The following TNIP3 variants were observed in gnomAD, a reference collection of about 807,000 sequenced individuals.
TNIP3 encodes the protein TNFAIP3 interacting protein 3, also known as TNFAIP3-interacting protein 3.
TNIP3 carries 34 observed loss-of-function variants against 54.1 expected under a neutral mutation model. The observed-to-expected ratio is 0.63, with a 90% CI of 0.48 to 0.84. The LOEUF is 0.84. Among genes scored for constraint, TNIP3 ranks in the 40% least tolerant of loss-of-function variants. The pLI is 0.00. For synonymous variants in TNIP3, 134 were observed against 136.8 expected (o/e 0.98, Z 0.14); for missense variants, 366 against 387.6 (o/e 0.94, Z 0.47).
At position 121,131,779 on chromosome 4, in the gene TNIP3, T is replaced by A. The variant is rs1441335892; in HGVS notation, c.*852A>T. Reference sequence around the variant, plus strand: ...CCTCCTGAGTAGCTGGGTTTATAGGTGTGTGCCACGAGCCTGGCTAATTTT... The same window carrying A: ...CCTCCTGAGTAGCTGGGTTTATAGGAGTGTGCCACGAGCCTGGCTAATTTT... On this transcript the variant is annotated 3_prime_UTR_variant, in exon 11 of 11. Coordinates refer to ENST00000057513, the MANE Select transcript of TNIP3 (RefSeq NM_024873.6). 6.6e-6 allele frequency: 1 copy of A among 151,774 alleles called. No homozygotes were observed. The highest frequency in any genetic ancestry group is 1.5e-5 in the Non-Finnish European group (1 of 68,020). 9.4% of individuals were successfully genotyped at this position (151,774 alleles called of 1,614,324 possible). A position where few individuals can be genotyped will look rare whatever the true frequency, so the allele number is the denominator to read the frequency against.
intron 3 of TNIP3, among the ~76,000 whole-genome samples, chr4:121,171,826 G>A (rs1353627403): frequency 6.6e-6 from 1 of 152,170 alleles, no homozygotes; most frequent in Non-Finnish European, 1.5e-5. Context: ...TGCCTCCTGG[G>A]TTCAAGCGAT....
At chr4:121,165,018 A>G (rs1730676798), upstream of TNIP3, among the ~76,000 whole-genome samples, 1 of 151,996 alleles carries the variant, frequency 6.6e-6, no homozygotes. Flanking sequence ...GCATAAGTGA[A>G]CTGCGATGGA....
rs3028475 is a variant in TNIP3 at position 121,181,624 on chromosome 4, G to GGTGTGTGT, written c.189+1044_189+1051dup. Among the ~76,000 whole-genome samples, 1,080 of 148,652 alleles carry GGTGTGTGT rather than the reference G, an allele frequency of 7.3e-3. 15 individuals are homozygous for GGTGTGTGT. The highest frequency in any genetic ancestry group is 0.014 in the South Asian group (62 of 4,578). The stretch of plus-strand genomic sequence containing the variant: ...GTGAAGAGGGTAAGTTAATAAGACA[G>GGTGTGTGT]GTGTGTGTGTGTGTGTGTGTGTGTG... On this transcript the variant is annotated intron_variant, in intron 3 of 12. Transcript: ENST00000507879.
chr4:121,211,463 G>C (rs1026398945), intron 2 of TNIP3, among the ~76,000 whole-genome samples: 1 of 152,122 alleles, frequency 6.6e-6, no homozygotes, highest in Non-Finnish European at 1.5e-5. Flanking sequence ...TTCAATTTAC[G>C]TGAAGGAATA....
In TNIP3 at chr4:121,179,124, G is replaced by A. The variant is rs185367098; in HGVS notation, c.189+3552C>T. Reference sequence around the variant, plus strand: ...CAAGGATTTCCAGAAAGAGTAAACAGCATGTGAAATGATAGCACAGGAAAC... The same window carrying A: ...CAAGGATTTCCAGAAAGAGTAAACAACATGTGAAATGATAGCACAGGAAAC... On this transcript the variant is annotated intron_variant, in intron 3 of 12. Transcript: ENST00000507879. Among the ~76,000 whole-genome samples, 384 of 152,292 alleles carry A rather than the reference G, an allele frequency of 2.5e-3. 4 individuals are homozygous for A. The highest frequency in any genetic ancestry group is 6.8e-4 in the Non-Finnish European group (46 of 68,018).
At chr4:121,144,407 T>C (rs1729309118) in intron 7 of TNIP3, among the ~76,000 whole-genome samples, 2 of 152,228 alleles carry the variant, frequency 1.3e-5, no homozygotes, top group Non-Finnish European at 1.5e-5. Context: ...TTTTGTTTTT[T>C]TCTTTTCTTT....
chr4:121,215,973 G>A (rs1726770238), intron 2 of TNIP3, among the ~76,000 whole-genome samples: 1 of 151,768 alleles, frequency 6.6e-6, no homozygotes, highest in Non-Finnish European at 1.5e-5. Context: ...AAGCGCCTAA[G>A]TAAGGGATTT....
chr4:121,205,198 T>C (rs535577278), intron 2 of TNIP3, among the ~76,000 whole-genome samples: 6 of 152,148 alleles, frequency 3.9e-5, no homozygotes, highest in Admixed American at 6.6e-5. Flanking sequence ...GTGGGACTTA[T>C]TGAAAGGTGA....
chr4:121,132,857 T>TA (rs1728557783), intron 10 of TNIP3, among the ~76,000 whole-genome samples, 195 bp from the exon 11 acceptor site: 1 of 152,114 alleles, frequency 6.6e-6, no homozygotes, highest in African/African-American at 2.4e-5. Flanking sequence ...AGCATTGACA[T>TA]ATGCTTACCA....
chr4:121,148,743 T>C (rs1729571410), intron 6 of TNIP3, among the ~76,000 whole-genome samples: 1 of 152,236 alleles, frequency 6.6e-6, no homozygotes, highest in Non-Finnish European at 1.5e-5. Flanking sequence ...CACAGGCTAC[T>C]TCATATGAAG....
intron 3 of TNIP3, among the ~76,000 whole-genome samples, chr4:121,181,178 T>G (rs921448674): frequency 1.3e-5 from 2 of 152,194 alleles, no homozygotes; most frequent in Non-Finnish European, 2.9e-5. Flanking sequence ...TGAACAGAAT[T>G]GCAAAGAAGG....
upstream of TNIP3, among the ~76,000 whole-genome samples, chr4:121,221,260 A>G (rs897004097): frequency 2.5e-4 from 38 of 152,146 alleles, no homozygotes; most frequent in African/African-American, 9.2e-4. Flanking sequence ...ATCACTCTTA[A>G]TATATAAAAT....
upstream of TNIP3, among the ~76,000 whole-genome samples, chr4:121,167,872 T>C: frequency 6.6e-6 from 1 of 152,152 alleles, no homozygotes; most frequent in Admixed American, 6.5e-5. Context: ...GAGACTCCTG[T>C]ATTAATTGCT....
In TNIP3 at chr4:121,158,590, A is replaced by G. The variant is rs1730252510; in HGVS notation, c.213+97T>C. 6.1e-6 allele frequency: 6 copies of G among 989,142 alleles called. No individual in the cohort carries two copies. In the South Asian group the frequency reaches 8.5e-5, roughly 14 times the overall value. 61.3% of individuals were successfully genotyped at this position (989,142 alleles called of 1,614,324 possible). The stretch of plus-strand genomic sequence containing the variant: ...ATTTTCCAACAGTTGGCTATCCACA[A>G]AGCTCTTTGTAGCTGAAATGAATGA... On this transcript the variant is annotated intron_variant, in intron 3 of 10. Coordinates refer to ENST00000057513, the MANE Select transcript of TNIP3 (RefSeq NM_024873.6).
At chr4:121,176,099 G>T (rs1237994318) in intron 3 of TNIP3, among the ~76,000 whole-genome samples, 2 of 152,176 alleles carry the variant, frequency 1.3e-5, no homozygotes, top group Admixed American at 6.5e-5. Flanking sequence ...ATACAACCTG[G>T]CCTATTTATC....
chr4:121,220,212 G>T (rs1186630764), upstream of TNIP3, among the ~76,000 whole-genome samples: 1 of 152,202 alleles, frequency 6.6e-6, no homozygotes, highest in Admixed American at 6.5e-5. Flanking sequence ...CAGGTAGGCA[G>T]TCAGTTAATC....
chr4:121,160,437 C>A (rs1199601520), intron 2 of TNIP3, among the ~76,000 whole-genome samples: 1 of 151,464 alleles, frequency 6.6e-6, no homozygotes, highest in Non-Finnish European at 1.5e-5. Flanking sequence ...TGAGATCGTG[C>A]CACTGCACTC....
At chr4:121,172,889 T>G (rs928385291) in intron 3 of TNIP3, among the ~76,000 whole-genome samples, 2 of 152,218 alleles carry the variant, frequency 1.3e-5, no homozygotes, top group Non-Finnish European at 2.9e-5. Context: ...TAAATTTAGT[T>G]AAGAAAACAA....
intron 9 of TNIP3, among the ~76,000 whole-genome samples, chr4:121,140,193 G>T (rs1047421171): frequency 6.6e-6 from 1 of 152,134 alleles, no homozygotes; most frequent in Non-Finnish European, 1.5e-5. Context: ...AATTAGCCAC[G>T]TGTGGTGGTG....
Sources: allele counts gnomAD v4.1 joint callset (sites outside exome capture counted in the v4.1 genomes callset), GRCh38; gene constraint gnomAD v4.1.1; transcripts MANE v1.5; gene names NCBI Gene and HGNC (gene_info 2026-07-23, HGNC 2026-07-21).